The following SUGCT variants were observed in gnomAD, a reference collection of about 807,000 sequenced individuals.
The protein encoded by SUGCT is succinyl-CoA:glutarate CoA-transferase.
Under a neutral mutation model 55.0 loss-of-function variants are expected in SUGCT, and 41 were observed. The observed-to-expected ratio is 0.74, with a 90% CI of 0.58 to 0.97. The LOEUF (loss-of-function observed/expected upper bound fraction) is 0.97, where lower values mean the gene tolerates loss of function less well. SUGCT is among the 50% of genes least tolerant of loss of function. The probability of loss-of-function intolerance (pLI) is 0.00; values close to 1 mark genes in which losing one functional copy is unlikely to be tolerated. For missense variants in SUGCT, 568 were observed against 547.8 expected (o/e 1.04, Z -0.37); for synonymous variants, 187 against 200.4 (o/e 0.93, Z 0.56).
intron 11 of SUGCT, among the ~76,000 whole-genome samples, chr7:40,476,006 T>C (rs1279599684): frequency 1.3e-5 from 2 of 152,100 alleles, no homozygotes; most frequent in East Asian, 3.9e-4. Flanking sequence ...GATGGGGTGG[T>C]AAGAGCATGG....
intron 12 of SUGCT, among the ~76,000 whole-genome samples, chr7:40,592,545 C>T (rs913948778): frequency 4.6e-5 from 7 of 152,104 alleles, no homozygotes; most frequent in Admixed American, 2.6e-4. Context: ...TGCAAGATTG[C>T]TAATCTAGGG....
intron 7 of SUGCT, among the ~76,000 whole-genome samples, chr7:40,242,477 T>G (rs958961205): frequency 1.2e-4 from 19 of 152,084 alleles, no homozygotes; most frequent in African/African-American, 4.3e-4. Flanking sequence ...GAGCCTCGTA[T>G]TGACACATTC....
chr7:40,907,929 G>C, the SUGCT span, among the ~76,000 whole-genome samples: 1 of 151,886 alleles, frequency 6.6e-6, no homozygotes, highest in Non-Finnish European at 1.5e-5. Flanking sequence ...CTAAACATTA[G>C]TAAATAAGGA....
intron 8 of SUGCT, among the ~76,000 whole-genome samples, chr7:40,285,367 C>T (rs2151030433): frequency 6.6e-6 from 1 of 152,072 alleles, no homozygotes; most frequent in African/African-American, 2.4e-5. Context: ...TGTCTACTTT[C>T]AGAGTTAGAA....
rs537260723 is a variant in SUGCT, at chr7:40,630,367, G to C, written c.1090-119067G>C. Among the ~76,000 whole-genome samples the C allele has an allele frequency of 4.6e-5, 7 of 152,270 alleles. No individual in the cohort carries two copies. In the South Asian group the frequency reaches 1.0e-3, roughly 23 times the overall value. ...TTCTTCATCCATGGCTTGATTAGTTGACATTATAAAATACCTGCTATCTGC... is the reference window on the plus strand; with the variant it reads ...TTCTTCATCCATGGCTTGATTAGTTCACATTATAAAATACCTGCTATCTGC... On this transcript the variant is annotated intron_variant, in intron 12 of 13. Coordinates refer to ENST00000335693, the MANE Select transcript of SUGCT (RefSeq NM_001193313.2).
intron 12 of SUGCT, among the ~76,000 whole-genome samples, chr7:40,668,320 A>G (rs971122470): frequency 8.5e-5 from 13 of 152,106 alleles, no homozygotes; most frequent in Non-Finnish European, 1.5e-4. Context: ...TGCTTCATTC[A>G]TCTTTATTTT....
chr7:40,752,352 A>AT, intron 13 of SUGCT, among the ~76,000 whole-genome samples: 1 of 152,152 alleles, frequency 6.6e-6, no homozygotes, highest in Non-Finnish European at 1.5e-5. Context: ...AGCAAATTTT[A>AT]TTTTTTAAAT....
chr7:40,287,764 G>T (rs1039328344), intron 8 of SUGCT, among the ~76,000 whole-genome samples: 3 of 152,104 alleles, frequency 2.0e-5, no homozygotes, highest in Admixed American at 6.6e-5. Context: ...CTCCCAAAGT[G>T]CTGGGATTAC....
chr7:40,139,901 T>A (rs111515371), intron 1 of SUGCT, among the ~76,000 whole-genome samples: 4,219 of 152,206 alleles, frequency 0.028, 105 homozygotes, highest in Non-Finnish European at 0.041. Flanking sequence ...GAATTTATTT[T>A]TTTCTTTCTT....
chr7:40,333,603 C>T (rs1329852866), intron 9 of SUGCT, among the ~76,000 whole-genome samples: 1 of 125,276 alleles, frequency 8.0e-6, no homozygotes, highest in Non-Finnish European at 1.6e-5. Flanking sequence ...CACCACTGCA[C>T]TCCAGCCTGG....
chr7:40,725,239 A>G lies in SUGCT; in HGVS notation c.1090-24195A>G, dbSNP rs114586841. Among the ~76,000 whole-genome samples, 816 of 152,344 alleles carry G rather than the reference A, an allele frequency of 5.4e-3. 5 individuals carry two copies. The highest frequency in any genetic ancestry group is 0.018 in the African/African-American group (768 of 41,582). On this transcript the variant is annotated intron_variant, in intron 12 of 13. Transcript: ENST00000335693. ...TCAGGAATGCAGAACTCCTAAGCCA[A>G]TTCTCTAGAGGATTTTTATACATTG...
chr7:40,511,220 A>G (rs957873562), intron 12 of SUGCT, among the ~76,000 whole-genome samples: 2 of 152,114 alleles, frequency 1.3e-5, no homozygotes, highest in Non-Finnish European at 2.9e-5. Context: ...ACCCCTTGGT[A>G]TCATGTATAA....
chr7:40,994,050 T>G, the SUGCT span, among the ~76,000 whole-genome samples: 1 of 152,130 alleles, frequency 6.6e-6, no homozygotes, highest in Non-Finnish European at 1.5e-5. Flanking sequence ...CTTAAGTATA[T>G]CTGAGGAAGG....
At chr7:40,579,196 G>A (rs912076549) in intron 12 of SUGCT, among the ~76,000 whole-genome samples, 1 of 151,706 alleles carries the variant, frequency 6.6e-6, no homozygotes, top group Non-Finnish European at 1.5e-5. Context: ...GAAATCAATC[G>A]AGGGGACACA....
At chr7:40,847,379 G>A (rs1367959026) in intron 13 of SUGCT, among the ~76,000 whole-genome samples, 1 of 150,384 alleles carries the variant, frequency 6.6e-6, no homozygotes, top group Non-Finnish European at 1.5e-5. Flanking sequence ...GTTCTGTCCT[G>A]GAGATGACAT....
intron 9 of SUGCT, among the ~76,000 whole-genome samples, chr7:40,386,510 C>T (rs1274472290): frequency 6.6e-6 from 1 of 152,186 alleles, no homozygotes; most frequent in African/African-American, 2.4e-5. Context: ...ATTAGTTTCT[C>T]TCAACAGAGG....
At chr7:40,953,117 A>G in the SUGCT span, among the ~76,000 whole-genome samples, 1 of 152,156 alleles carries the variant, frequency 6.6e-6, no homozygotes, top group Non-Finnish European at 1.5e-5. Context: ...GTCTTTTCAC[A>G]TAGTTCTATA....
chr7:41,015,008 A>C, the SUGCT span, among the ~76,000 whole-genome samples: 1 of 152,238 alleles, frequency 6.6e-6, no homozygotes, highest in Non-Finnish European at 1.5e-5. Flanking sequence ...TTTTTAAAAC[A>C]TAAAGAAAAG....
chr7:40,347,646 A>G (rs1441855138), intron 9 of SUGCT, among the ~76,000 whole-genome samples: 1 of 152,226 alleles, frequency 6.6e-6, no homozygotes, highest in Non-Finnish European at 1.5e-5. Flanking sequence ...GGCCAGTGTT[A>G]TAGTGACTTA....
Sources: gnomAD v4.1 joint callset for allele counts (sites outside exome capture counted in the v4.1 genomes callset) on GRCh38, gnomAD v4.1.1 for gene constraint, MANE v1.5 for transcripts, NCBI Gene and HGNC (gene_info 2026-07-23, HGNC 2026-07-21) for gene names.